The following BACH2 variants were observed in gnomAD, a reference collection of about 807,000 sequenced individuals.
BACH2 encodes the protein transcription regulator protein BACH2.
In BACH2, 5 loss-of-function variants were observed where a neutral mutation model predicts 61.8. The ratio of observed to expected loss-of-function variants is 0.08; its 90% CI spans 0.04 to 0.17. The LOEUF (loss-of-function observed/expected upper bound fraction) is 0.17, where lower values mean the gene tolerates loss of function less well. Among genes scored for constraint, BACH2 ranks in the 10% least tolerant of loss-of-function variants. The probability of loss-of-function intolerance (pLI) is 1.00; values close to 1 mark genes in which losing one functional copy is unlikely to be tolerated. For synonymous variants in BACH2, 446 were observed against 440.1 expected, an observed-to-expected ratio of 1.01 and a Z score of -0.17; for missense variants, 824 against 1,091.1, an observed-to-expected ratio of 0.76 and a Z score of 3.45.
chr6:90,054,168 C>G (rs193236398), intron 5 of BACH2, among the ~76,000 whole-genome samples: 1 of 152,046 alleles, frequency 6.6e-6, no homozygotes. Flanking sequence ...CAGGGGGAGG[C>G]ATCGCCTCAC....
chr6:90,086,783 G>A (rs1464446619), intron 5 of BACH2, among the ~76,000 whole-genome samples: 5 of 152,198 alleles, frequency 3.3e-5, no homozygotes, highest in African/African-American at 7.2e-5. Context: ...AGGAGAGGGC[G>A]CTAAGGGGCA....
At chr6:89,979,512 TA>T (rs140456918) in intron 6 of BACH2, among the ~76,000 whole-genome samples, 434 of 152,284 alleles carry the variant, frequency 2.8e-3, no homozygotes, top group African/African-American at 9.9e-3. Context: ...AGAGGGACAC[TA>T]AACCCCAAAT....
chr6:90,142,635 G>A (rs1784498075), intron 4 of BACH2, among the ~76,000 whole-genome samples: 1 of 151,916 alleles, frequency 6.6e-6, no homozygotes, highest in African/African-American at 2.4e-5. Context: ...ATAATGTTTG[G>A]CCAAACAAAA....
At chr6:89,934,520 G>A (rs546324553) in intron 8 of BACH2, among the ~76,000 whole-genome samples, 32 of 152,230 alleles carry the variant, frequency 2.1e-4, no homozygotes, top group African/African-American at 7.2e-4. Flanking sequence ...TTAGCTGGGT[G>A]TGTTGGTGCG....
At chr6:90,222,435 T>C (rs1020268406) in intron 3 of BACH2, among the ~76,000 whole-genome samples, 6 of 152,190 alleles carry the variant, frequency 3.9e-5, no homozygotes, top group Admixed American at 2.0e-4. Context: ...AGTCAGAAGA[T>C]ACTTGTAAAA....
intron 5 of BACH2, among the ~76,000 whole-genome samples, chr6:90,054,467 C>T (rs112704286): frequency 0.042 from 6,386 of 152,226 alleles, 418 homozygotes; most frequent in African/African-American, 0.14. Flanking sequence ...GTAAACAAAG[C>T]GGCAGGGAAG....
At chr6:90,185,230 C>G (rs193139745) in intron 4 of BACH2, among the ~76,000 whole-genome samples, 9 of 152,206 alleles carry the variant, frequency 5.9e-5, no homozygotes, top group African/African-American at 2.2e-4. Context: ...AGCTCTGTCT[C>G]GGAAACAGGT....
chr6:90,231,515 C>T (rs995991834), intron 3 of BACH2, among the ~76,000 whole-genome samples: 4 of 152,170 alleles, frequency 2.6e-5, no homozygotes, highest in Non-Finnish European at 5.9e-5. Flanking sequence ...TGACCCTGGG[C>T]CAGAGCCTAA....
chr6:90,129,830 T>C (rs1218328653), intron 4 of BACH2, among the ~76,000 whole-genome samples: 2 of 152,016 alleles, frequency 1.3e-5, no homozygotes, highest in East Asian at 3.9e-4. Context: ...CCTGAGACTT[T>C]GCTGAAGTTG....
At chr6:90,031,710 T>C (rs369102095) in intron 5 of BACH2, among the ~76,000 whole-genome samples, 1 of 151,942 alleles carries the variant, frequency 6.6e-6, no homozygotes, top group Admixed American at 6.6e-5. Context: ...AAAGAGGATA[T>C]AAACAAATGG....
intron 4 of BACH2, among the ~76,000 whole-genome samples, chr6:90,119,706 A>C (rs1783545724): frequency 6.6e-6 from 1 of 152,216 alleles, no homozygotes; most frequent in South Asian, 2.1e-4. Flanking sequence ...GAAGATTCTT[A>C]GGGGGTAAAA....
intron 4 of BACH2, among the ~76,000 whole-genome samples, chr6:90,118,826 G>A (rs935972817): frequency 1.2e-4 from 18 of 152,150 alleles, no homozygotes; most frequent in Admixed American, 2.6e-4. Context: ...TCATTAAGGC[G>A]TGGGAGCTGG....
At chr6:90,095,268 T>C (rs370921276) in intron 4 of BACH2, among the ~76,000 whole-genome samples, 1 of 152,060 alleles carries the variant, frequency 6.6e-6, no homozygotes, top group African/African-American at 2.4e-5. Context: ...AAACAGAATT[T>C]AAACAGACAC....
intron 8 of BACH2, among the ~76,000 whole-genome samples, chr6:89,936,114 C>G (rs1365907837): frequency 6.6e-6 from 1 of 152,192 alleles, no homozygotes; most frequent in Non-Finnish European, 1.5e-5. Flanking sequence ...ACTGGATATT[C>G]AGAGATGATC....
At position 90,125,376 on chromosome 6, in the gene BACH2, T is replaced by C. The variant is rs558420320; in HGVS notation, c.-161-36267A>G. Among the ~76,000 whole-genome samples the C allele has an allele frequency of 8.5e-5, 13 of 152,332 alleles. 1 individual carries two copies. In the South Asian group the frequency reaches 2.7e-3, roughly 32 times the overall value. Reference sequence around the variant, plus strand: ...TTGCATTTGCCTTTCATGTTACATATATTTCATGATGATTTCCATTTTAAA... The same window carrying C: ...TTGCATTTGCCTTTCATGTTACATACATTTCATGATGATTTCCATTTTAAA... On this transcript the variant is annotated intron_variant, in intron 4 of 8. Coordinates refer to ENST00000257749, the MANE Select transcript of BACH2 (RefSeq NM_021813.4).
At chr6:90,031,367 G>A (rs1172227085) in intron 5 of BACH2, among the ~76,000 whole-genome samples, 1 of 152,100 alleles carries the variant, frequency 6.6e-6, no homozygotes, top group East Asian at 1.9e-4. Context: ...AACCAGGCAG[G>A]AGAAGGAAAT....
intron 3 of BACH2, among the ~76,000 whole-genome samples, chr6:90,220,163 T>C (rs1023108655): frequency 5.9e-5 from 9 of 152,230 alleles, no homozygotes; most frequent in African/African-American, 2.2e-4. Flanking sequence ...CCAAAGTATT[T>C]ACCCCAGAGT....
intron 4 of BACH2, among the ~76,000 whole-genome samples, chr6:90,093,145 C>T (rs1210429470): frequency 6.6e-6 from 1 of 152,178 alleles, no homozygotes; most frequent in African/African-American, 2.4e-5. Flanking sequence ...TCTTTATTAA[C>T]TGGTACAGGT....
intron 4 of BACH2, among the ~76,000 whole-genome samples, chr6:90,133,048 T>C (rs939685879): frequency 1.3e-5 from 2 of 152,238 alleles, no homozygotes; most frequent in African/African-American, 4.8e-5. Context: ...ATCTCTTTTA[T>C]AGCACTTACT....
Sources: gnomAD v4.1 joint callset for allele counts (sites outside exome capture counted in the v4.1 genomes callset) on GRCh38, gnomAD v4.1.1 for gene constraint, MANE v1.5 for transcripts, NCBI Gene and HGNC (gene_info 2026-07-23, HGNC 2026-07-21) for gene names.